The following ZNF724 variants were observed in gnomAD, a reference collection of about 807,000 sequenced individuals.
ZNF724 encodes zinc finger protein 724.
In ZNF724, 14 loss-of-function variants were observed where a neutral mutation model predicts 29.3. The ratio of observed to expected loss-of-function variants is 0.48; its 90% confidence interval spans 0.32 to 0.75. The LOEUF (loss-of-function observed/expected upper bound fraction) is 0.75, where lower values mean the gene tolerates loss of function less well. Among genes scored for constraint, ZNF724 ranks in the 30% least tolerant of loss-of-function variants. The pLI is 0.04. For synonymous variants in ZNF724, 180 were observed against 193.6 expected (o/e 0.93, Z 0.58); for missense variants, 557 against 571.2 (o/e 0.98, Z 0.25).
In ZNF724 at chr19:23,222,957, C is replaced by T. The variant is rs1489860138; in HGVS notation, c.1288G>A (p.Ala430Thr). 2.9e-6 allele frequency: 4 copies of T among 1,378,382 alleles called. No individual in the cohort carries two copies. Among genetic ancestry groups the T allele is most frequent in the Non-Finnish European group, 3.1e-6 (3 of 966,566 alleles). 85.4% of individuals were successfully genotyped at this position (1,378,382 alleles called of 1,614,324 possible). ...GTAAGTTGTGAGAACTGGTTAAAGG[C>T]TTTGCCACATTCTTCACATTTGTAG... ...KPYKCEECGK[A>T]FNQFSQLTTH... Residue 430 changes from alanine (A) to threonine (T), a missense_variant, in exon 4 of 4, where the codon GCC (alanine) becomes ACC (threonine). Coordinates refer to ENST00000418100, the MANE Select transcript of ZNF724 (RefSeq NM_001355404.2).
intron 3 of ZNF724, among the ~76,000 whole-genome samples, chr19:23,227,571 C>CAACA (rs1555724231): frequency 3.4e-5 from 4 of 118,988 alleles, no homozygotes; most frequent in East Asian, 2.5e-4. Context: ...AAAAAAAAAA[C>CAACA]AAAAAAAAAC....
chr19:23,222,780 G>A lies in ZNF724; in HGVS notation c.1465C>T (p.Leu489=). ...KCEECGKAFN[L]SSHLTTHKKI... ...TTATGTGTTGTAAGGTGTGAGGATA[G>A]GTTAAAAGCTTTGCCACATTCTTCA... Residue 489 remains leucine (L), a synonymous_variant, in exon 4 of 4, where the codon CTA becomes TTA. Transcript: ENST00000418100. 2 of 1,408,306 alleles carry A rather than the reference G, an allele frequency of 1.4e-6. No homozygotes were observed. Among genetic ancestry groups the A allele is most frequent in the Non-Finnish European group, 1.0e-6 (1 of 1,002,214 alleles). The allele number at this position is 1,408,306 out of a possible 1,614,324, so 87.2% of individuals were successfully genotyped here.
intron 3 of ZNF724, among the ~76,000 whole-genome samples, chr19:23,226,459 C>A (rs957064009): frequency 4.7e-4 from 71 of 152,260 alleles, no homozygotes; most frequent in African/African-American, 1.7e-3. Context: ...TGAGCCACCA[C>A]CATGCATAGT....
At chr19:23,224,383 A>G (rs8110981) in intron 3 of ZNF724, among the ~76,000 whole-genome samples, 71,954 of 152,002 alleles carry the variant, frequency 0.47, 19,084 homozygotes, top group East Asian at 0.68. Flanking sequence ...AAGGCACTCC[A>G]CGCTGGAGAA....
chr19:23,228,836 G>A (rs1352868199), intron 3 of ZNF724, among the ~76,000 whole-genome samples: 2 of 151,464 alleles, frequency 1.3e-5, no homozygotes, highest in Admixed American at 1.3e-4. Context: ...GTTGCAGTGA[G>A]CTGCGATTGA....
At chr19:23,236,255 C>T (rs550095404) in intron 1 of ZNF724, 1 of 152,434 alleles carries the variant, frequency 6.6e-6, no homozygotes, top group South Asian at 2.1e-4. Context: ...CAGCTCACAT[C>T]TTACACGAAC....
intron 1 of ZNF724, among the ~76,000 whole-genome samples, chr19:23,239,962 G>A (rs1359159650): frequency 6.8e-6 from 1 of 147,478 alleles, no homozygotes; most frequent in Non-Finnish European, 1.5e-5. Context: ...AAATTAAGAA[G>A]ATAAACCGCT....
At chr19:23,243,480 A>AT (rs1208592352) in intron 1 of ZNF724, among the ~76,000 whole-genome samples, 15 of 140,858 alleles carry the variant, frequency 1.1e-4, no homozygotes, top group Non-Finnish European at 1.7e-4. Flanking sequence ...CATCTCAAAA[A>AT]AAAAAAAAAA....
At chr19:23,249,212 A>G (rs1972302878) in intron 1 of ZNF724, among the ~76,000 whole-genome samples, 1 of 151,234 alleles carries the variant, frequency 6.6e-6, no homozygotes, top group Non-Finnish European at 1.5e-5. Context: ...CTCTTTGATT[A>G]AATTATTTAA....
intron 3 of ZNF724, among the ~76,000 whole-genome samples, chr19:23,229,558 G>A (rs1022452014): frequency 1.3e-5 from 2 of 152,208 alleles, no homozygotes; most frequent in African/African-American, 4.8e-5. Context: ...AACCTGCCTA[G>A]TGTCTGCCCT....
intron 1 of ZNF724, among the ~76,000 whole-genome samples, chr19:23,247,022 A>T (rs1229778503): frequency 6.6e-6 from 1 of 152,152 alleles, no homozygotes; most frequent in Non-Finnish European, 1.5e-5. Context: ...CAGGAGTTCA[A>T]GACCAGCCTG....
intron 3 of ZNF724, 76 bp downstream of exon 3, chr19:23,231,190 G>A (rs1013124384): frequency 1.2e-5 from 13 of 1,066,852 alleles, no homozygotes; most frequent in Admixed American, 7.0e-5. Flanking sequence ...GCCCCAAATC[G>A]TATTTCAAAA....
At chr19:23,230,422 G>A (rs1297061340) in intron 3 of ZNF724, among the ~76,000 whole-genome samples, 2 of 151,952 alleles carry the variant, frequency 1.3e-5, no homozygotes, top group Non-Finnish European at 2.9e-5. Context: ...AATAATGAAA[G>A]CAATCTTGAG....
At chr19:23,247,968 T>C (rs924260955) in intron 1 of ZNF724, among the ~76,000 whole-genome samples, 1 of 152,108 alleles carries the variant, frequency 6.6e-6, no homozygotes, top group Admixed American at 6.5e-5. Flanking sequence ...CTCTAGCAGA[T>C]AGACATGGTG....
intron 1 of ZNF724, among the ~76,000 whole-genome samples, chr19:23,244,256 C>T (rs1223843448): frequency 1.3e-5 from 2 of 151,998 alleles, no homozygotes; most frequent in African/African-American, 2.4e-5. Flanking sequence ...GTCTGGGGAA[C>T]AGGAATATGC....
At chr19:23,232,842 AAG>A (rs201012392) in intron 1 of ZNF724, among the ~76,000 whole-genome samples, 2,227 of 152,200 alleles carry the variant, frequency 0.015, 55 homozygotes, top group African/African-American at 0.05. Context: ...TATGGCCTAT[AAG>A]AGAGAGATGA....
chr19:23,243,830 G>A (rs957564192), intron 1 of ZNF724, among the ~76,000 whole-genome samples: 2 of 151,568 alleles, frequency 1.3e-5, no homozygotes, highest in African/African-American at 4.9e-5. Flanking sequence ...GGCTGATGCA[G>A]GAGAATCACT....
intron 2 of ZNF724, among the ~76,000 whole-genome samples, chr19:23,231,960 C>T (rs1971940754): frequency 6.6e-6 from 1 of 152,052 alleles, no homozygotes; most frequent in African/African-American, 2.4e-5. Flanking sequence ...TGGTCTTGAA[C>T]TCCTGACCTC....
chr19:23,229,984 T>TA (rs946136874), intron 3 of ZNF724, among the ~76,000 whole-genome samples: 2 of 152,144 alleles, frequency 1.3e-5, no homozygotes, highest in African/African-American at 2.4e-5. Context: ...ATCTCATATA[T>TA]AAAAAATCAT....
Sources: allele counts gnomAD v4.1 joint callset (sites outside exome capture counted in the v4.1 genomes callset), GRCh38; gene constraint gnomAD v4.1.1; transcripts MANE v1.5; gene names NCBI Gene and HGNC (gene_info 2026-07-23, HGNC 2026-07-21).